The following PCSK6 variants were observed in gnomAD, a reference collection of about 807,000 sequenced individuals.
PCSK6 encodes the protein proprotein convertase subtilisin/kexin type 6.
A neutral mutation model predicts 123.3 loss-of-function variants in PCSK6; 85 were observed. The ratio of observed to expected loss-of-function variants is 0.69; its 90% confidence interval spans 0.58 to 0.83. The LOEUF (loss-of-function observed/expected upper bound fraction) is 0.83, where lower values mean the gene tolerates loss of function less well. PCSK6 is among the 40% of genes least tolerant of loss of function. The pLI is 0.00. For synonymous variants in PCSK6, 508 were observed against 516.0 expected, an observed-to-expected ratio of 0.98 and a Z score of 0.21; for missense variants, 1,191 against 1,282.3, an observed-to-expected ratio of 0.93 and a Z score of 1.09.
intron 6 of PCSK6, among the ~76,000 whole-genome samples, chr15:101,408,710 C>T (rs999612453): frequency 4.6e-5 from 7 of 152,178 alleles, no homozygotes; most frequent in South Asian, 2.1e-4. Context: ...GTTGAAAATG[C>T]GCTGGGAACC....
intron 1 of PCSK6, among the ~76,000 whole-genome samples, chr15:101,487,225 A>T (rs973235375): frequency 5.3e-5 from 8 of 152,242 alleles, no homozygotes; most frequent in African/African-American, 1.9e-4. Context: ...AGCCTCTGAG[A>T]CAGCTCCTAT....
At chr15:101,439,048 G>A (rs1022043824) in intron 2 of PCSK6, among the ~76,000 whole-genome samples, 4 of 152,090 alleles carry the variant, frequency 2.6e-5, no homozygotes, top group Non-Finnish European at 4.4e-5. Context: ...GTGACTGGCC[G>A]GGGCAAGGAT....
intron 1 of PCSK6, among the ~76,000 whole-genome samples, chr15:101,465,358 A>G (rs1395018752): frequency 2.0e-5 from 3 of 152,210 alleles, no homozygotes; most frequent in African/African-American, 7.2e-5. Flanking sequence ...ACAGGTCCTG[A>G]GCTGGGTGGA....
intron 12 of PCSK6, among the ~76,000 whole-genome samples, chr15:101,368,896 C>T (rs369764372): frequency 3.3e-5 from 5 of 152,286 alleles, no homozygotes; most frequent in South Asian, 4.1e-4. Context: ...AAAAACACCA[C>T]GGGGAGCAAC....
At chr15:101,330,155 T>G (rs995686262) in intron 15 of PCSK6, among the ~76,000 whole-genome samples, 3 of 152,228 alleles carry the variant, frequency 2.0e-5, no homozygotes, top group Non-Finnish European at 4.4e-5. Flanking sequence ...GACATCTTCC[T>G]TGTGCCCCAC....
At chr15:101,349,890 T>A (rs2040845768) in intron 13 of PCSK6, among the ~76,000 whole-genome samples, 1 of 152,094 alleles carries the variant, frequency 6.6e-6, no homozygotes, top group Non-Finnish European at 1.5e-5. Context: ...TGATTTTGCC[T>A]TCTTGTGTTT....
chr15:101,487,856 T>C lies in PCSK6; in HGVS notation c.297+1518A>G, dbSNP rs538854685. 6.6e-5 allele frequency among the ~76,000 whole-genome samples: 10 copies of C among 152,252 alleles called. No individual in the cohort carries two copies. In the East Asian group the frequency reaches 7.7e-4, roughly 12 times the overall value. On this transcript the variant is annotated intron_variant, in intron 1 of 21. Transcript: ENST00000611716. ...GGCAAAATCTGAAATCACAGGATGT[T>C]TGGAGGGCCTTGAGTGGTTAAAAAA...
At chr15:101,447,190 C>T (rs1486669826) in intron 1 of PCSK6, among the ~76,000 whole-genome samples, 3 of 152,174 alleles carry the variant, frequency 2.0e-5, no homozygotes, top group South Asian at 4.1e-4. Flanking sequence ...GGAGGTTCTG[C>T]CCCTCCCCAG....
At chr15:101,380,357 G>T (rs1222544992) in intron 11 of PCSK6, among the ~76,000 whole-genome samples, 1 of 152,240 alleles carries the variant, frequency 6.6e-6, no homozygotes, top group African/African-American at 2.4e-5. Context: ...AGGCGCCGGG[G>T]CAGAGGGCAG....
chr15:101,479,715 C>A (rs1050426721), intron 1 of PCSK6, among the ~76,000 whole-genome samples: 5 of 152,188 alleles, frequency 3.3e-5, no homozygotes, highest in African/African-American at 9.7e-5. Flanking sequence ...AGACAGGGAA[C>A]AGCAGGCCTG....
In PCSK6 at chr15:101,331,556, A is replaced by C. The variant is rs999310946; in HGVS notation, c.2077+95T>G. 19 of 1,175,694 alleles carry C rather than the reference A, an allele frequency of 1.6e-5. No homozygotes were observed. The African/African-American group carries it at 2.6e-4, about 16-fold the overall frequency. The allele number at this position is 1,175,694 out of a possible 1,614,324, so 72.8% of individuals were successfully genotyped here. On this transcript the variant is annotated intron_variant, in intron 15 of 21. Coordinates refer to ENST00000611716, the MANE Select transcript of PCSK6 (RefSeq NM_002570.5). Reference sequence around the variant, plus strand: ...GGGTGCTCCTAGAAGTGGCTAACTTACCAGGGGGCAAGACCCCATTCTGGT... The same window carrying C: ...GGGTGCTCCTAGAAGTGGCTAACTTCCCAGGGGGCAAGACCCCATTCTGGT...
At chr15:101,313,036 T>G in intron 20 of PCSK6, 1 of 1,191,866 alleles carries the variant, frequency 8.4e-7, no homozygotes, top group South Asian at 1.9e-5. Flanking sequence ...CAAAACATGG[T>G]TTCTCTGATT....
At chr15:101,370,550 T>C (rs2041551837) in intron 11 of PCSK6, 27 bp from the exon 12 acceptor site, 2 of 1,412,500 alleles carry the variant, frequency 1.4e-6, no homozygotes, top group Non-Finnish European at 1.9e-6. Context: ...GGCTCAGCAC[T>C]TGGCACCGGA....
chr15:101,434,146 G>C (rs1369243048), intron 2 of PCSK6, among the ~76,000 whole-genome samples: 1 of 152,214 alleles, frequency 6.6e-6, no homozygotes, highest in Non-Finnish European at 1.5e-5. Context: ...TGAACTAGAA[G>C]GCTTTTTACC....
In PCSK6 at chr15:101,322,593, G is replaced by C. The variant is rs748680165; in HGVS notation, c.2392C>G (p.Leu798Val). The C allele has an allele frequency of 6.2e-7, 1 of 1,612,224 alleles. No individual in the cohort carries two copies. The highest frequency in any genetic ancestry group is 1.7e-5 in the Admixed American group (1 of 60,008). ...TTTTTACAGCTTGGGTGGCATTTAA[G>C]GCAATTTTTCTGACCTGGAGAAAAA... ...FYADESQKNC[L>V]KCHPSCKKCV... Residue 798 changes from leucine to valine, a missense_variant, in exon 18 of 22, where the codon CTT becomes GTT. Leu to Val is a conservative substitution (Grantham distance 32, BLOSUM62 1). Around this residue, in one of 3 missense-constraint regions of PCSK6, gnomAD observed 630 missense variants for 631.4 expected, o/e 1.00. Coordinates refer to ENST00000611716, the MANE Select transcript of PCSK6 (RefSeq NM_002570.5).
Position 101,318,439 on chromosome 15 carries a change from G to C in PCSK6, c.2466-17C>G, listed in dbSNP as rs1361833599. On this transcript the variant is annotated splice_polypyrimidine_tract_variant and intron_variant, in intron 18 of 21. Transcript: ENST00000611716. ...CGTGCAAGGCTGTTGAAAAGAAAGA[G>C]GCAGATTTCCACATCCATTCCAAAA... is the stretch of plus-strand genomic sequence containing the variant. The C allele has an allele frequency of 1.5e-5, 23 of 1,544,056 alleles. No homozygotes were observed. Among genetic ancestry groups the C allele is most frequent in the Non-Finnish European group, 1.8e-5 (20 of 1,139,894 alleles).
At chr15:101,313,680 G>T in intron 19 of PCSK6, 175 bp from the exon 20 acceptor site, 1 of 843,308 alleles carries the variant, frequency 1.2e-6, no homozygotes, top group Non-Finnish European at 1.8e-6. Context: ...ACTCCCAGGA[G>T]GTGGGCATCG....
rs191623641 is a variant in PCSK6, at chr15:101,487,198, G to A, written c.297+2176C>T. 7.9e-5 allele frequency among the ~76,000 whole-genome samples: 12 copies of A among 152,364 alleles called. No individual in the cohort carries two copies. In the East Asian group the frequency reaches 1.7e-3, roughly 22 times the overall value. On this transcript the variant is annotated intron_variant, in intron 1 of 21. Transcript: ENST00000611716. ...TGGAATAAAGAGTAATAGGCCCTCC[G>A]TGAGTAATCACACACAAGCCTCTGA...
chr15:101,313,055 T>A, intron 20 of PCSK6: 1 of 1,263,696 alleles, frequency 7.9e-7, no homozygotes, highest in Non-Finnish European at 1.0e-6. Context: ...TTATCGACAG[T>A]GCAAAGGATG....
Sources: allele counts gnomAD v4.1 joint callset (sites outside exome capture counted in the v4.1 genomes callset), GRCh38; gene constraint gnomAD v4.1.1; regional missense constraint gnomAD v4.1.1; transcripts MANE v1.5; gene names NCBI Gene and HGNC (gene_info 2026-07-23, HGNC 2026-07-21).